The following CDK14 variants were observed in gnomAD, a reference collection of about 807,000 sequenced individuals.
CDK14 encodes cyclin-dependent kinase 14.
CDK14 carries 34 observed loss-of-function variants against 60.7 expected under a neutral mutation model. The ratio of observed to expected loss-of-function variants is 0.56; its 90% CI spans 0.43 to 0.75. The LOEUF (loss-of-function observed/expected upper bound fraction) is 0.75. Ranked by LOEUF, CDK14 falls within the 30% of genes least tolerant of loss-of-function variation. The probability of loss-of-function intolerance (pLI) is 0.00; values close to 1 mark genes in which losing one functional copy is unlikely to be tolerated. For missense variants in CDK14, 482 were observed against 564.1 expected, an observed-to-expected ratio of 0.85 and a Z score of 1.47; for synonymous variants, 197 against 203.7, an observed-to-expected ratio of 0.97 and a Z score of 0.28.
chr7:90,875,329 G>C (rs1047225613), intron 6 of CDK14, among the ~76,000 whole-genome samples: 1 of 152,080 alleles, frequency 6.6e-6, no homozygotes, highest in South Asian at 2.1e-4. Flanking sequence ...ATTTGTGTAC[G>C]TGCATTTGTT....
chr7:90,660,768 A>G (rs11977149), intron 2 of CDK14, among the ~76,000 whole-genome samples: 2,212 of 152,330 alleles, frequency 0.015, 56 homozygotes, highest in African/African-American at 0.05. Context: ...AGCATTTTCT[A>G]TAACATGCTC....
chr7:90,984,020 T>TA (rs1795312126), intron 9 of CDK14, 128 bp from the exon 10 acceptor site: 2 of 668,124 alleles, frequency 3.0e-6, no homozygotes, highest in Non-Finnish European at 5.4e-6. Flanking sequence ...AAATAAAAGT[T>TA]AGAGGGGAAA....
At chr7:90,807,895 TGAGAA>T (rs974113313) in intron 5 of CDK14, among the ~76,000 whole-genome samples, 8 of 151,896 alleles carry the variant, frequency 5.3e-5, no homozygotes, top group African/African-American at 1.9e-4. Context: ...TGAAATTAAG[TGAGAA>T]GAGAAGTTTA....
chr7:90,807,918 AAG>A (rs912388346), intron 5 of CDK14, among the ~76,000 whole-genome samples: 13 of 152,312 alleles, frequency 8.5e-5, no homozygotes, highest in Admixed American at 3.3e-4. Context: ...TTAGAGAAAA[AAG>A]AATAAAAAGA....
At chr7:90,999,646 A>G (rs981619061) in intron 10 of CDK14, among the ~76,000 whole-genome samples, 10 of 152,156 alleles carry the variant, frequency 6.6e-5, no homozygotes, top group African/African-American at 2.4e-4. Context: ...GTTGGGGGAC[A>G]TTGCTGCTGA....
intron 14 of CDK14, among the ~76,000 whole-genome samples, chr7:91,179,790 G>C (rs540156739): frequency 6.6e-6 from 1 of 151,196 alleles, no homozygotes; most frequent in Non-Finnish European, 1.5e-5. Context: ...GCGACAGAGC[G>C]AGACTCCGTC....
At chr7:91,011,025 C>G (rs973568391) in intron 10 of CDK14, among the ~76,000 whole-genome samples, 2 of 151,838 alleles carry the variant, frequency 1.3e-5, no homozygotes, top group Admixed American at 1.3e-4. Context: ...GGTTTTTTGT[C>G]GATTCCCTTT....
chr7:91,135,219 TG>T (rs1054280047), intron 14 of CDK14, among the ~76,000 whole-genome samples: 5 of 151,300 alleles, frequency 3.3e-5, no homozygotes, highest in Admixed American at 6.6e-5. Flanking sequence ...GACAGAGGGT[TG>T]GGGGTGAAAA....
intron 2 of CDK14, among the ~76,000 whole-genome samples, chr7:90,623,075 T>TTA (rs1342320228): frequency 6.6e-6 from 1 of 151,064 alleles, no homozygotes; most frequent in Non-Finnish European, 1.5e-5. Context: ...CTTTCTCGTA[T>TTA]TATATATATA....
intron 3 of CDK14, among the ~76,000 whole-genome samples, chr7:90,740,342 C>A (rs956404471): frequency 1.7e-4 from 25 of 151,458 alleles, no homozygotes; most frequent in African/African-American, 5.6e-4. Context: ...GAATGGTGTT[C>A]CCTTAAAATT....
chr7:91,054,087 A>AT (rs1797477531), intron 11 of CDK14, among the ~76,000 whole-genome samples: 1 of 65,948 alleles, frequency 1.5e-5, no homozygotes, highest in Non-Finnish European at 2.5e-5. Context: ...ACTGCAAAAT[A>AT]ATTTTTTTTT....
intron 7 of CDK14, among the ~76,000 whole-genome samples, chr7:90,903,367 G>C (rs1447438064): frequency 6.6e-6 from 1 of 152,110 alleles, no homozygotes; most frequent in Non-Finnish European, 1.5e-5. Flanking sequence ...ACATACAATG[G>C]AAGATTATTC....
chr7:91,045,918 G>A lies in CDK14; in HGVS notation c.1063G>A (p.Asp355Asn). 1 of 1,611,232 alleles carries A rather than the reference G, an allele frequency of 6.2e-7. No individual in the cohort carries two copies. The highest frequency in any genetic ancestry group is 8.5e-7 in the Non-Finnish European group (1 of 1,177,566). Residue 355 changes from aspartate to asparagine, a missense_variant, in exon 11 of 15, where the codon GAC becomes AAC. By Grantham distance (23) the Asp-to-Asn change is conservative. Coordinates refer to ENST00000380050, the MANE Select transcript of CDK14 (RefSeq NM_001287135.2). Reference protein sequence around the residue: ...IFLVLGTPNEDTWPGVHSLPH... With the variant: ...IFLVLGTPNENTWPGVHSLPH... ...CTAGGTTCTTGGAACACCAAATGAG[G>A]ACACATGGCCTGGAGTTCATTCTTT...
Position 91,171,707 on chromosome 7 carries a change from C to T in CDK14, c.*29-35458C>T, listed in dbSNP as rs555022882. Among the ~76,000 whole-genome samples the T allele has an allele frequency of 1.1e-4, 16 of 152,186 alleles. No individual in the cohort carries two copies. The South Asian group carries it at 2.1e-3, about 20-fold the overall frequency. ...TGTCGCCGAGGCTGGAGTGCAGTGG[C>T]ATGATCTCAGCTCACTGCAACCTCC... On this transcript the variant is annotated intron_variant, in intron 14 of 14. Coordinates refer to ENST00000380050, the MANE Select transcript of CDK14 (RefSeq NM_001287135.2).
intron 2 of CDK14, among the ~76,000 whole-genome samples, chr7:90,701,851 G>C (rs374360468): frequency 1.3e-5 from 2 of 152,296 alleles, no homozygotes; most frequent in East Asian, 3.9e-4. Context: ...AGTGCTGTCT[G>C]TCTCTATGCT....
rs573246103 is a variant in CDK14, at chr7:90,749,915, C to T, written c.464+2140C>T. Among the ~76,000 whole-genome samples, 4 of 152,250 alleles carry T rather than the reference C, an allele frequency of 2.6e-5. No homozygotes were observed. In the East Asian group the frequency reaches 7.7e-4, roughly 29 times the overall value. On this transcript the variant is annotated intron_variant, in intron 4 of 14. Coordinates refer to ENST00000380050, the MANE Select transcript of CDK14 (RefSeq NM_001287135.2). ...TGGGCTCCACAGATCAGCCCATTGC[C>T]TAAGGCAACAGAGAGCATCTCCCCA... is the stretch of plus-strand genomic sequence containing the variant.
chr7:90,943,481 TATC>T (rs1335147651), intron 8 of CDK14, among the ~76,000 whole-genome samples: 10 of 152,206 alleles, frequency 6.6e-5, no homozygotes, highest in African/African-American at 2.4e-4. Flanking sequence ...AAAATTTAAA[TATC>T]ATATTAGATA....
chr7:91,117,998 T>C (rs1287062716), intron 13 of CDK14, 67 bp from the exon 14 acceptor site: 1 of 914,168 alleles, frequency 1.1e-6, no homozygotes, highest in Admixed American at 2.3e-5. Flanking sequence ...CTCCATTTTT[T>C]TAAAAAAAAA....
intron 6 of CDK14, among the ~76,000 whole-genome samples, chr7:90,898,412 G>A (rs1211170470): frequency 6.6e-6 from 1 of 152,072 alleles, no homozygotes; most frequent in Non-Finnish European, 1.5e-5. Context: ...CTACAGCAAG[G>A]TTCTTGAATG....
Sources: gnomAD v4.1 joint callset for allele counts (sites outside exome capture counted in the v4.1 genomes callset) on GRCh38, gnomAD v4.1.1 for gene constraint, MANE v1.5 for transcripts, NCBI Gene and HGNC (gene_info 2026-07-23, HGNC 2026-07-21) for gene names.